Variants in USP18 observed in about 807,000 individuals in gnomAD.
USP18 encodes ubiquitin specific peptidase 18, also known as ubl carboxyl-terminal hydrolase 18.
In USP18, 11 loss-of-function variants were observed where a neutral mutation model predicts 48.7. The observed-to-expected ratio is 0.23, with a 90% confidence interval of 0.14 to 0.37. USP18 has a LOEUF of 0.37. Among genes scored for constraint, USP18 ranks in the 10% least tolerant of loss-of-function variants. The probability of loss-of-function intolerance (pLI) is 1.00; values close to 1 mark genes in which losing one functional copy is unlikely to be tolerated. For synonymous variants in USP18, 114 were observed against 163.2 expected (o/e 0.70, Z 2.30); for missense variants, 285 against 436.4 (o/e 0.65, Z 3.09).
chr22:18,158,881 G>A (rs5993022), intron 2 of USP18, among the ~76,000 whole-genome samples: 8,613 of 152,164 alleles, frequency 0.057, 547 homozygotes, highest in African/African-American at 0.15. Context: ...ACTTAGCTCC[G>A]TGGAGAACGA....
chr22:18,160,334 C>T (rs1415892185), intron 3 of USP18, 66 bp downstream of exon 3: 6 of 1,587,254 alleles, frequency 3.8e-6, no homozygotes, highest in Non-Finnish European at 5.2e-6. Flanking sequence ...GAGATGGAGT[C>T]TTGCTCTGTT....
chr22:18,163,797 A>G (rs937252426), intron 4 of USP18, among the ~76,000 whole-genome samples: 5 of 152,120 alleles, frequency 3.3e-5, no homozygotes, highest in Non-Finnish European at 7.4e-5. Context: ...ACTGTCATCT[A>G]TGTTGTTAGC....
In USP18 at chr22:18,171,177, A is replaced by ATTGTG. The variant is rs1388233241; in HGVS notation, c.891+258_891+262dup. On this transcript the variant is annotated intron_variant, in intron 8 of 10. Transcript: ENST00000215794. ...ATAGAAATGCATAGGCAAACATGTC[A>ATTGTG]TTGTGGGTTCATAGTACCAACCAAA... Among the ~76,000 whole-genome samples the ATTGTG allele has an allele frequency of 1.3e-3, 79 of 60,018 alleles. 1 individual carries two copies. Among genetic ancestry groups the ATTGTG allele is most frequent in the African/African-American group, 6.6e-3 (74 of 11,148 alleles). 39.4% of individuals were successfully genotyped at this position (60,018 alleles called of 152,430 possible).
chr22:18,170,243 A>G (rs1268488539), intron 7 of USP18, among the ~76,000 whole-genome samples: 2 of 151,728 alleles, frequency 1.3e-5, no homozygotes, highest in Non-Finnish European at 2.9e-5. Context: ...TTCAGGGGTC[A>G]TCTGTCCTTC....
At chr22:18,164,064 AC>A (rs1929406453) in intron 4 of USP18, among the ~76,000 whole-genome samples, 1 of 152,110 alleles carries the variant, frequency 6.6e-6, no homozygotes, top group South Asian at 2.1e-4. Context: ...ACTCTTTGTC[AC>A]CCCCAGGGGC....
At chr22:18,162,647 C>G (rs1028546616) in intron 4 of USP18, among the ~76,000 whole-genome samples, 18 of 149,536 alleles carry the variant, frequency 1.2e-4, no homozygotes, top group Non-Finnish European at 2.2e-4. Flanking sequence ...AGTTTTCAGT[C>G]ATTATAGGTA....
At chr22:18,172,464 C>T (rs191486395) in intron 8 of USP18, among the ~76,000 whole-genome samples, 155 of 152,246 alleles carry the variant, frequency 1.0e-3, no homozygotes, top group African/African-American at 3.3e-3. Flanking sequence ...ATCCAAACAA[C>T]GCCTACACTT....
rs1256816004 is a variant in USP18 at position 18,173,091 on chromosome 22, G to A, written c.892-59G>A. On this transcript the variant is annotated intron_variant, in intron 8 of 10. Transcript: ENST00000215794. ...GGGCCTAGTGTGGGCAGGTATAAAT[G>A]TGTGAGGCAGTCGTGTTTGTGGTGG... 4 of 1,605,390 alleles carry A rather than the reference G, an allele frequency of 2.5e-6. No homozygotes were observed. The East Asian group carries it at 6.7e-5, about 27-fold the overall frequency.
chr22:18,151,894 A>G (rs542166357), intron 1 of USP18, among the ~76,000 whole-genome samples: 1 of 152,086 alleles, frequency 6.6e-6, no homozygotes. Context: ...ATCTACTAAA[A>G]ATAAAAAATA....
chr22:18,169,485 A>C (rs1029345135), intron 6 of USP18, among the ~76,000 whole-genome samples: 1 of 152,222 alleles, frequency 6.6e-6, no homozygotes, highest in Admixed American at 6.5e-5. Flanking sequence ...CTGAGGCAGG[A>C]GAATCGCTTG....
rs190386859 is a variant in USP18, at chr22:18,153,624, T to C, written c.-107+3402T>C. On this transcript the variant is annotated intron_variant, in intron 1 of 10. Transcript: ENST00000215794. ...TTTATTTTTAGAAAATAAAATATTT[T>C]TTATTTTATTTAGGCAACATGCTAT... 8.4e-4 allele frequency among the ~76,000 whole-genome samples: 128 copies of C among 152,194 alleles called. 4 individuals are homozygous for C. The highest frequency in any genetic ancestry group is 8.2e-3 in the Admixed American group (126 of 15,288).
intron 4 of USP18, 140 bp downstream of exon 4, chr22:18,162,075 T>C: frequency 2.0e-6 from 2 of 1,001,512 alleles, no homozygotes; most frequent in Non-Finnish European, 2.8e-6. Flanking sequence ...ATAGAGACAT[T>C]TGTGTAAGAG....
intron 8 of USP18, among the ~76,000 whole-genome samples, chr22:18,171,338 AAG>A (rs138899314): frequency 0.35 from 42,613 of 122,506 alleles, 7,547 homozygotes; most frequent in African/African-American, 0.45. Flanking sequence ...CTGAGAAAAA[AAG>A]AGACACAAGG....
At chr22:18,168,621 C>A (rs1049664262) in intron 6 of USP18, among the ~76,000 whole-genome samples, 8 of 152,170 alleles carry the variant, frequency 5.3e-5, no homozygotes, top group African/African-American at 1.9e-4. Context: ...GTCTGAAACT[C>A]CTGACTTCAT....
intron 10 of USP18, 54 bp downstream of exon 10, chr22:18,173,896 G>C: frequency 6.6e-7 from 1 of 1,513,568 alleles, no homozygotes; most frequent in Non-Finnish European, 9.0e-7. Flanking sequence ...AGGGTCCTTG[G>C]AGCTGCATGA....
intron 2 of USP18, 146 bp downstream of exon 2, chr22:18,157,966 C>T (rs1929218315): frequency 8.3e-7 from 1 of 1,209,436 alleles, no homozygotes; most frequent in Non-Finnish European, 1.1e-6. Flanking sequence ...GGGGATACAG[C>T]CTGGGCCATA....
Position 18,157,807 on chromosome 22 carries a change from G to A in USP18, c.144G>A (p.Trp48Ter), listed in dbSNP as rs1207755857. Residue 48 changes from tryptophan to a stop codon, truncating the protein, a stop_gained, in exon 2 of 11, where the codon TGG (tryptophan) becomes TGA (stop). Transcript: ENST00000215794. LOFTEE classifies it high-confidence loss of function. ...AGCCCAGAGAGCGTCCCAGGGCCTG[G>A]GACTACCCTCATGGTCATTAGACCC... ...REQPRERPRAWDYPHGLVGLH... is the reference protein window; with the variant it reads ...REQPRERPRA 1 of 1,614,046 alleles carries A rather than the reference G, an allele frequency of 6.2e-7. No homozygotes were observed. The highest frequency in any genetic ancestry group is 1.1e-5 in the South Asian group (1 of 91,066).
intron 3 of USP18, among the ~76,000 whole-genome samples, chr22:18,160,818 G>A (rs1415743371): frequency 6.9e-6 from 1 of 144,400 alleles, no homozygotes; most frequent in African/African-American, 2.6e-5. Context: ...TCCCCAGGCT[G>A]GAGTGCGACG....
At position 18,169,517 on chromosome 22, in the gene USP18, G is replaced by A. The variant is rs529318694; in HGVS notation, c.628-327G>A. ...CTTGAACCCGGGAGGCGGAGATTGC[G>A]GTGAACTGAGATCGCGCCCCTGCAC... On this transcript the variant is annotated intron_variant, in intron 6 of 10. Coordinates refer to ENST00000215794, the MANE Select transcript of USP18 (RefSeq NM_017414.4). 3.9e-4 allele frequency among the ~76,000 whole-genome samples: 59 copies of A among 152,276 alleles called. No individual in the cohort carries two copies. The South Asian group carries it at 0.012, about 30-fold the overall frequency.
Sources: allele counts gnomAD v4.1 joint callset (sites outside exome capture counted in the v4.1 genomes callset), GRCh38; gene constraint gnomAD v4.1.1; transcripts MANE v1.5; gene names NCBI Gene and HGNC (gene_info 2026-07-23, HGNC 2026-07-21).